SLC24A2: variants seen among roughly 807,000 people sequenced by gnomAD.
The protein encoded by SLC24A2 is sodium/potassium/calcium exchanger 2.
In SLC24A2, 36 loss-of-function variants were observed where a neutral mutation model predicts 62.0. The observed-to-expected ratio is 0.58, with a 90% CI of 0.44 to 0.77. The LOEUF (loss-of-function observed/expected upper bound fraction) is 0.77, where lower values mean the gene tolerates loss of function less well. Among genes scored for constraint, SLC24A2 ranks in the 30% least tolerant of loss-of-function variants. The probability of loss-of-function intolerance (pLI) is 0.00; values close to 1 mark genes in which losing one functional copy is unlikely to be tolerated. For synonymous variants in SLC24A2, 358 were observed against 294.0 expected (o/e 1.22, Z -2.23); for missense variants, 846 against 817.9 (o/e 1.03, Z -0.42).
chr9:19,897,897 C>T, the SLC24A2 span, among the ~76,000 whole-genome samples: 1 of 152,218 alleles, frequency 6.6e-6, no homozygotes, highest in Admixed American at 6.5e-5. Flanking sequence ...TTACGCACTA[C>T]AGTTTATTTT....
At chr9:19,874,675 T>C in the SLC24A2 span, among the ~76,000 whole-genome samples, 1 of 152,208 alleles carries the variant, frequency 6.6e-6, no homozygotes, top group African/African-American at 2.4e-5. Context: ...TTCTAGATAC[T>C]TGAGTTCCCT....
chr9:20,280,903 C>T, the SLC24A2 span, among the ~76,000 whole-genome samples: 1 of 152,160 alleles, frequency 6.6e-6, no homozygotes, highest in Admixed American at 6.5e-5. Context: ...CCACCAGAAG[C>T]AGGAGGAGAC....
the SLC24A2 span, among the ~76,000 whole-genome samples, chr9:20,147,902 T>A: frequency 6.6e-6 from 1 of 152,130 alleles, no homozygotes; most frequent in Admixed American, 6.6e-5. Flanking sequence ...AACACTTGCC[T>A]TCTCAGTCTC....
chr9:20,243,141 T>A, the SLC24A2 span, among the ~76,000 whole-genome samples: 1 of 152,158 alleles, frequency 6.6e-6, no homozygotes, highest in Non-Finnish European at 1.5e-5. Flanking sequence ...ATTGTGGGTG[T>A]TTTTACTACT....
chr9:20,153,755 GAA>G, the SLC24A2 span, among the ~76,000 whole-genome samples: 1 of 151,780 alleles, frequency 6.6e-6, no homozygotes, highest in African/African-American at 2.4e-5. Context: ...AACCTATGCA[GAA>G]AAAAAGTATT....
Position 19,511,194 on chromosome 9 carries a change from G to A in SLC24A2, c.*4959C>T, listed in dbSNP as rs183382354. ...TGCCATGGTGTAATCATAAGTAATA[G>A]AGTTGAGCTGGCTGTGAGTAGTTCC... On this transcript the variant is annotated 3_prime_UTR_variant, in exon 11 of 11. Coordinates refer to ENST00000341998, the MANE Select transcript of SLC24A2 (RefSeq NM_020344.4). The A allele has an allele frequency of 1.3e-5, 2 of 152,118 alleles. No individual in the cohort carries two copies. The highest frequency in any genetic ancestry group is 2.9e-5 in the Non-Finnish European group (2 of 68,034). 9.4% of individuals were successfully genotyped at this position (152,118 alleles called of 1,614,324 possible). A position where few individuals can be genotyped will look rare whatever the true frequency, so the allele number is the denominator to read the frequency against.
the SLC24A2 span, among the ~76,000 whole-genome samples, chr9:19,872,096 C>T: frequency 6.6e-6 from 1 of 151,994 alleles, no homozygotes; most frequent in African/African-American, 2.4e-5. Flanking sequence ...GAGTCAGGTC[C>T]AATTGTGGAA....
the SLC24A2 span, among the ~76,000 whole-genome samples, chr9:19,892,702 T>TA: frequency 6.6e-6 from 1 of 152,306 alleles, no homozygotes; most frequent in East Asian, 1.9e-4. Context: ...AACTGTTGTT[T>TA]TTTTTTTCAT....
the SLC24A2 span, among the ~76,000 whole-genome samples, chr9:20,280,891 A>G: frequency 6.6e-6 from 1 of 152,190 alleles, no homozygotes; most frequent in Non-Finnish European, 1.5e-5. Context: ...GGAGGCCTGG[A>G]GCCACCAGAA....
At chr9:19,965,006 G>C in the SLC24A2 span, among the ~76,000 whole-genome samples, 9 of 152,238 alleles carry the variant, frequency 5.9e-5, no homozygotes, top group Admixed American at 1.3e-4. Flanking sequence ...GCCACATGTA[G>C]AGACAACAGC....
intron 2 of SLC24A2, among the ~76,000 whole-genome samples, chr9:19,758,174 A>T (rs1254699947): frequency 6.6e-6 from 1 of 152,208 alleles, no homozygotes; most frequent in Non-Finnish European, 1.5e-5. Flanking sequence ...TCTATGCTAG[A>T]ATAATTTTTA....
the SLC24A2 span, among the ~76,000 whole-genome samples, chr9:19,856,582 C>A: frequency 1.3e-5 from 2 of 152,118 alleles, no homozygotes; most frequent in East Asian, 3.9e-4. Flanking sequence ...CCACTCCAGA[C>A]CCTATTCATC....
At chr9:19,871,462 T>C in the SLC24A2 span, among the ~76,000 whole-genome samples, 1 of 152,222 alleles carries the variant, frequency 6.6e-6, no homozygotes, top group Non-Finnish European at 1.5e-5. Flanking sequence ...TCTATTGATA[T>C]ACCTTTAAAT....
At chr9:20,224,450 G>A in the SLC24A2 span, among the ~76,000 whole-genome samples, 3 of 151,984 alleles carry the variant, frequency 2.0e-5, no homozygotes, top group South Asian at 2.1e-4. Flanking sequence ...ACACTGACAA[G>A]TATTGACATG....
At chr9:20,227,355 C>G in the SLC24A2 span, among the ~76,000 whole-genome samples, 74 of 152,184 alleles carry the variant, frequency 4.9e-4, no homozygotes, top group African/African-American at 1.7e-3. Flanking sequence ...ACTAACTTGG[C>G]AAGTGGTCCA....
chr9:19,536,456 G>GT (rs1414678923), intron 8 of SLC24A2, among the ~76,000 whole-genome samples: 1 of 98,504 alleles, frequency 1.0e-5, no homozygotes, highest in Non-Finnish European at 2.0e-5. Flanking sequence ...GCGGCGTTTG[G>GT]TTTTTTGTTC....
the SLC24A2 span, among the ~76,000 whole-genome samples, chr9:20,305,395 G>A: frequency 3.3e-5 from 5 of 152,074 alleles, no homozygotes; most frequent in African/African-American, 9.7e-5. Context: ...ATGAGCCACC[G>A]CGCCCAGCCG....
chr9:19,550,213 C>G lies in SLC24A2; in HGVS notation c.1403G>C (p.Arg468Pro). The G allele has an allele frequency of 3.1e-6, 5 of 1,614,072 alleles. No homozygotes were observed. The highest frequency in any genetic ancestry group is 4.2e-6 in the Non-Finnish European group (5 of 1,179,962). Residue 468 changes from arginine (R) to proline (P), a missense_variant, in exon 8 of 11, where the codon CGC becomes CCC. Physicochemically the swap from Arg to Pro is moderately radical, Grantham distance 103. Transcript: ENST00000341998. Reference protein sequence around the residue: ...PLSLAWPSETRKQVTFLIVFP... With the variant: ...PLSLAWPSETPKQVTFLIVFP... Reference sequence around the variant, plus strand: ...AACAATCAGAAACGTGACTTGCTTGCGGGTTTCAGAAGGCCAGGCAAGGCT... The same window carrying G: ...AACAATCAGAAACGTGACTTGCTTGGGGGTTTCAGAAGGCCAGGCAAGGCT...
the SLC24A2 span, among the ~76,000 whole-genome samples, chr9:19,998,015 T>G: frequency 6.6e-6 from 1 of 152,150 alleles, no homozygotes; most frequent in Non-Finnish European, 1.5e-5. Context: ...CCAATACTAT[T>G]AAGGATAAGC....
Sources: allele counts gnomAD v4.1 joint callset (sites outside exome capture counted in the v4.1 genomes callset), GRCh38; gene constraint gnomAD v4.1.1; transcripts MANE v1.5; gene names NCBI Gene and HGNC (gene_info 2026-07-23, HGNC 2026-07-21).